The following OPCML variants were observed in gnomAD, a reference collection of about 807,000 sequenced individuals.
OPCML encodes the protein opioid binding protein/cell adhesion molecule like.
Under a neutral mutation model 37.8 loss-of-function variants are expected in OPCML, and 13 were observed. The ratio of observed to expected loss-of-function variants is 0.34; its 90% CI spans 0.22 to 0.55. OPCML has a LOEUF of 0.55. Ranked by LOEUF, OPCML falls within the 20% of genes least tolerant of loss-of-function variation. The pLI, the probability that OPCML is intolerant of heterozygous loss-of-function variation, is 0.91. For synonymous variants in OPCML, 176 were observed against 168.8 expected, an observed-to-expected ratio of 1.04 and a Z score of -0.33; for missense variants, 341 against 435.6, an observed-to-expected ratio of 0.78 and a Z score of 1.93.
At chr11:133,390,595 T>A (rs1455984104) in intron 1 of OPCML, among the ~76,000 whole-genome samples, 1 of 151,004 alleles carries the variant, frequency 6.6e-6, no homozygotes, top group Non-Finnish European at 1.5e-5. Context: ...GTAAGGGGAG[T>A]ACCAGGGAAA....
chr11:133,077,787 C>T (rs1004528961), intron 1 of OPCML, among the ~76,000 whole-genome samples: 1 of 152,020 alleles, frequency 6.6e-6, no homozygotes, highest in African/African-American at 2.4e-5. Flanking sequence ...GCAAAAGATG[C>T]AAACAGACAA....
At chr11:133,371,245 T>G (rs1358898721) in intron 1 of OPCML, among the ~76,000 whole-genome samples, 1 of 152,182 alleles carries the variant, frequency 6.6e-6, no homozygotes, top group Non-Finnish European at 1.5e-5. Flanking sequence ...TGAAAAATAG[T>G]GTGGAGATTT....
chr11:133,528,477 C>T (rs1297395155), intron 1 of OPCML, among the ~76,000 whole-genome samples: 4 of 152,164 alleles, frequency 2.6e-5, no homozygotes, highest in Admixed American at 6.5e-5. Context: ...TTAGCAGGTT[C>T]GCCGGCTCTG....
intron 2 of OPCML, among the ~76,000 whole-genome samples, chr11:132,785,217 G>A (rs1947168680): frequency 6.6e-6 from 1 of 152,164 alleles, no homozygotes; most frequent in African/African-American, 2.4e-5. Flanking sequence ...CTCACTATGT[G>A]ATCAGAGCAC....
rs1192117547 is a variant in OPCML, at chr11:132,416,048, AAG to A, written c.*4143_*4144del. The A allele has an allele frequency of 3.9e-5, 6 of 152,622 alleles. No individual in the cohort carries two copies. The highest frequency in any genetic ancestry group is 1.3e-4 in the Admixed American group (2 of 15,282). The allele number at this position is 152,622 out of a possible 1,614,324, so 9.5% of individuals were successfully genotyped here. A position where few individuals can be genotyped will look rare whatever the true frequency, so the allele number is the denominator to read the frequency against. On this transcript the variant is annotated 3_prime_UTR_variant, in exon 8 of 8. Coordinates refer to ENST00000524381, the MANE Select transcript of OPCML (RefSeq NM_001012393.5). ...AATAGGAGGGGAGGCAATTGGGTATAAGAGTTTCCAAGATAAGGTCACGTGCA... is the reference window on the plus strand; with the variant it reads ...AATAGGAGGGGAGGCAATTGGGTATAAGTTTCCAAGATAAGGTCACGTGCA...
intron 3 of OPCML, among the ~76,000 whole-genome samples, chr11:132,640,392 A>G (rs1940781716): frequency 6.6e-6 from 1 of 152,196 alleles, no homozygotes; most frequent in Non-Finnish European, 1.5e-5. Flanking sequence ...AGGATTGGTC[A>G]TTAGCATCAG....
At chr11:133,153,378 A>G (rs1950014623) in intron 1 of OPCML, among the ~76,000 whole-genome samples, 1 of 152,186 alleles carries the variant, frequency 6.6e-6, no homozygotes, top group Admixed American at 6.5e-5. Flanking sequence ...GCGAGAACCC[A>G]GCTGCTCAAA....
At chr11:132,692,167 C>A (rs1376290122) in intron 2 of OPCML, among the ~76,000 whole-genome samples, 1 of 151,904 alleles carries the variant, frequency 6.6e-6, no homozygotes, top group Non-Finnish European at 1.5e-5. Context: ...ATTCAAGAAC[C>A]TGAAGTTCAA....
intron 1 of OPCML, among the ~76,000 whole-genome samples, chr11:133,387,072 T>C (rs760573385): frequency 8.5e-5 from 13 of 152,178 alleles, no homozygotes; most frequent in Non-Finnish European, 1.8e-4. Context: ...GGGCTCTCTG[T>C]ATCATAGCCT....
intron 1 of OPCML, among the ~76,000 whole-genome samples, chr11:133,500,405 G>A (rs1333462500): frequency 6.6e-6 from 1 of 152,156 alleles, no homozygotes; most frequent in Non-Finnish European, 1.5e-5. Context: ...CTTCTCTCCA[G>A]GCCATTATGC....
At chr11:133,080,190 C>T (rs1379492951) in intron 1 of OPCML, among the ~76,000 whole-genome samples, 1 of 152,182 alleles carries the variant, frequency 6.6e-6, no homozygotes, top group Non-Finnish European at 1.5e-5. Context: ...ATGTATAGAC[C>T]TGACCTGGAA....
chr11:132,636,041 G>A (rs1940472588), intron 3 of OPCML, among the ~76,000 whole-genome samples: 1 of 152,132 alleles, frequency 6.6e-6, no homozygotes, highest in African/African-American at 2.4e-5. Context: ...TGCACAATTG[G>A]GCATGTGCTT....
At chr11:132,970,164 G>A (rs1008942921) in intron 1 of OPCML, among the ~76,000 whole-genome samples, 9 of 152,066 alleles carry the variant, frequency 5.9e-5, no homozygotes, top group African/African-American at 1.9e-4. Context: ...CAAGTGCATC[G>A]AGGCCCCTCC....
chr11:133,050,522 A>G (rs1948110145), intron 1 of OPCML, among the ~76,000 whole-genome samples: 1 of 152,096 alleles, frequency 6.6e-6, no homozygotes, highest in Admixed American at 6.6e-5. Flanking sequence ...AAATGAGCCA[A>G]TTTATAATGT....
intron 3 of OPCML, among the ~76,000 whole-genome samples, chr11:132,532,315 A>G (rs1244215422): frequency 6.6e-6 from 1 of 152,166 alleles, no homozygotes; most frequent in East Asian, 1.9e-4. Context: ...AGATAAGTAC[A>G]GTTTTAGGGT....
chr11:132,663,716 AG>A (rs1410723181), intron 2 of OPCML, among the ~76,000 whole-genome samples: 2 of 152,256 alleles, frequency 1.3e-5, no homozygotes, highest in Non-Finnish European at 2.9e-5. Flanking sequence ...CCACTGTGGA[AG>A]GAGAACTTCG....
chr11:132,816,888 C>A (rs978547258), intron 2 of OPCML, among the ~76,000 whole-genome samples: 2 of 152,168 alleles, frequency 1.3e-5, no homozygotes, highest in Middle Eastern at 6.3e-3. Context: ...TTATTGATTT[C>A]ATAAAATGAG....
intron 3 of OPCML, among the ~76,000 whole-genome samples, chr11:132,608,681 G>C (rs965714392): frequency 1.3e-5 from 2 of 152,132 alleles, no homozygotes; most frequent in Non-Finnish European, 2.9e-5. Context: ...TATAGGACTG[G>C]AGCCTCTGGA....
intron 1 of OPCML, among the ~76,000 whole-genome samples, chr11:133,367,256 C>T (rs1408539066): frequency 1.3e-5 from 2 of 152,196 alleles, no homozygotes; most frequent in Non-Finnish European, 1.5e-5. Flanking sequence ...GGATTACAGG[C>T]GTGAGCCACC....
Sources: allele counts gnomAD v4.1 joint callset (sites outside exome capture counted in the v4.1 genomes callset), GRCh38; gene constraint gnomAD v4.1.1; transcripts MANE v1.5; gene names NCBI Gene and HGNC (gene_info 2026-07-23, HGNC 2026-07-21).